CHST9: variants seen among roughly 807,000 people sequenced by gnomAD.
The protein encoded by CHST9 is carbohydrate sulfotransferase 9.
CHST9 carries 41 observed loss-of-function variants against 44.4 expected under a neutral mutation model. The observed-to-expected ratio is 0.92, with a 90% CI of 0.72 to 1.20. The LOEUF (loss-of-function observed/expected upper bound fraction) is 1.20. Ranked by LOEUF, CHST9 falls within the 50% of genes most tolerant of loss-of-function variation. CHST9 has a pLI of 0.00. For missense variants in CHST9, 504 were observed against 516.5 expected (o/e 0.98, Z 0.23); for synonymous variants, 171 against 178.4 (o/e 0.96, Z 0.33).
intron 2 of CHST9, among the ~76,000 whole-genome samples, chr18:27,124,165 TACAC>T (rs770311654): frequency 3.0e-4 from 46 of 152,190 alleles, no homozygotes; most frequent in Non-Finnish European, 5.4e-4. Flanking sequence ...ATGCTAAAAA[TACAC>T]CTGAGATCTC....
At chr18:26,977,464 T>C (rs564474211) in intron 4 of CHST9, among the ~76,000 whole-genome samples, 3 of 151,198 alleles carry the variant, frequency 2.0e-5, no homozygotes, top group South Asian at 2.1e-4. Flanking sequence ...AAAAGTAATA[T>C]GGATTTAAAG....
At chr18:27,074,975 T>C (rs2057885991) in intron 2 of CHST9, among the ~76,000 whole-genome samples, 1 of 149,164 alleles carries the variant, frequency 6.7e-6, no homozygotes, top group Admixed American at 6.7e-5. Context: ...AGGAAAAATA[T>C]AATGCTTTAA....
At chr18:27,081,326 G>C (rs1301979891) in intron 2 of CHST9, among the ~76,000 whole-genome samples, 5 of 152,092 alleles carry the variant, frequency 3.3e-5, no homozygotes, top group Non-Finnish European at 7.4e-5. Flanking sequence ...CTTGGTGACA[G>C]AGTGAGACCC....
chr18:27,077,024 T>G (rs2057911722), intron 2 of CHST9, among the ~76,000 whole-genome samples: 1 of 152,230 alleles, frequency 6.6e-6, no homozygotes, highest in Non-Finnish European at 1.5e-5. Context: ...GCAGTCCATC[T>G]ATATTTTATA....
intron 2 of CHST9, among the ~76,000 whole-genome samples, chr18:27,113,923 T>G (rs1373311047): frequency 6.6e-6 from 1 of 152,144 alleles, no homozygotes; most frequent in South Asian, 2.1e-4. Flanking sequence ...ATTTTGCAAA[T>G]AGAAAAACAA....
At chr18:27,077,322 G>A (rs936262778) in intron 2 of CHST9, among the ~76,000 whole-genome samples, 2 of 152,168 alleles carry the variant, frequency 1.3e-5, no homozygotes, top group African/African-American at 2.4e-5. Context: ...CTCTTGGAAT[G>A]TCTTAAGCTA....
At chr18:27,023,071 C>A (rs1598647410) in intron 4 of CHST9, among the ~76,000 whole-genome samples, 1 of 152,172 alleles carries the variant, frequency 6.6e-6, no homozygotes, top group African/African-American at 2.4e-5. Flanking sequence ...TTTTCCCTCA[C>A]CTCAAATCTT....
chr18:26,910,682 C>G lies in CHST9; in HGVS notation c.*5577G>C, dbSNP rs1460611050. The G allele has an allele frequency of 6.6e-6, 1 of 152,214 alleles. No individual in the cohort carries two copies. The highest frequency in any genetic ancestry group is 2.4e-5 in the African/African-American group (1 of 41,454). 9.4% of individuals were successfully genotyped at this position (152,214 alleles called of 1,614,324 possible). A position where few individuals can be genotyped will look rare whatever the true frequency, so the allele number is the denominator to read the frequency against. The stretch of plus-strand genomic sequence containing the variant: ...AAACCAAACATATCTGTAGCCAGAT[C>G]TACCCCGTGGGCTGCCAATGTATGG... On this transcript the variant is annotated 3_prime_UTR_variant, in exon 6 of 6. Transcript: ENST00000618847.
intron 2 of CHST9, among the ~76,000 whole-genome samples, chr18:27,117,381 G>C (rs1313270580): frequency 6.6e-6 from 1 of 151,972 alleles, no homozygotes; most frequent in Admixed American, 6.6e-5. Context: ...GTGGAACACT[G>C]GTTACACATG....
chr18:26,924,141 C>T lies in CHST9; in HGVS notation c.241-6791G>A, dbSNP rs186103362. Among the ~76,000 whole-genome samples, 12 of 152,116 alleles carry T rather than the reference C, an allele frequency of 7.9e-5. No homozygotes were observed. In the East Asian group the frequency reaches 2.3e-3, roughly 29 times the overall value. On this transcript the variant is annotated intron_variant, in intron 5 of 5. Transcript: ENST00000618847. ...GGCAGTGGGGAGGTGTGCCTGGGGG[C>T]AGAGGGATCTTCTGGAAGATGATTA...
At chr18:27,015,370 G>C (rs1262161572) in intron 4 of CHST9, among the ~76,000 whole-genome samples, 5 of 143,190 alleles carry the variant, frequency 3.5e-5, no homozygotes, top group Non-Finnish European at 7.4e-5. Context: ...CAGGCACTAC[G>C]CATCCTTCGG....
intron 4 of CHST9, among the ~76,000 whole-genome samples, chr18:27,003,654 T>G (rs957991959): frequency 2.6e-5 from 4 of 152,182 alleles, no homozygotes; most frequent in African/African-American, 9.7e-5. Context: ...TGGTGATTTT[T>G]TTGTACTTTA....
At chr18:27,059,117 A>T (rs1316837307) in intron 2 of CHST9, among the ~76,000 whole-genome samples, 2 of 152,192 alleles carry the variant, frequency 1.3e-5, no homozygotes, top group South Asian at 4.1e-4. Context: ...AGTGCAGTTA[A>T]AGCACAATTT....
intron 3 of CHST9, among the ~76,000 whole-genome samples, chr18:27,042,357 T>C (rs188446378): frequency 2.3e-4 from 35 of 152,102 alleles, no homozygotes. Context: ...GGCACACTGG[T>C]CAATGTTTAA....
chr18:27,076,651 C>G (rs1196044216), intron 2 of CHST9, among the ~76,000 whole-genome samples: 1 of 152,180 alleles, frequency 6.6e-6, no homozygotes, highest in Non-Finnish European at 1.5e-5. Flanking sequence ...CTATCCACAG[C>G]TTACACGAGG....
chr18:27,176,315 AT>A (rs2058867715), intron 1 of CHST9, among the ~76,000 whole-genome samples: 1 of 151,868 alleles, frequency 6.6e-6, no homozygotes, highest in Non-Finnish European at 1.5e-5. Flanking sequence ...CCATTGGAGG[AT>A]GAATTTGGGG....
intron 2 of CHST9, among the ~76,000 whole-genome samples, chr18:27,059,207 T>C (rs1031179927): frequency 6.6e-6 from 1 of 152,204 alleles, no homozygotes; most frequent in Non-Finnish European, 1.5e-5. Context: ...AAGTGGAGAC[T>C]TGCCAGTGGT....
intron 1 of CHST9, among the ~76,000 whole-genome samples, chr18:27,159,792 T>C (rs2058730937): frequency 6.6e-6 from 1 of 152,162 alleles, no homozygotes. Context: ...CATTGAGCAG[T>C]GGTTTGTAGT....
intron 2 of CHST9, among the ~76,000 whole-genome samples, chr18:27,126,079 G>A (rs28540832): frequency 0.011 from 1,605 of 152,246 alleles, 23 homozygotes; most frequent in African/African-American, 0.033. Context: ...AAGTTTTGCA[G>A]AAGCATGTTG....
Sources: gnomAD v4.1 joint callset for allele counts (sites outside exome capture counted in the v4.1 genomes callset) on GRCh38, gnomAD v4.1.1 for gene constraint, MANE v1.5 for transcripts, NCBI Gene and HGNC (gene_info 2026-07-23, HGNC 2026-07-21) for gene names.